The following KALRN variants were observed in gnomAD, a reference collection of about 807,000 sequenced individuals.
The protein encoded by KALRN is kalirin.
A neutral mutation model predicts 353.7 loss-of-function variants in KALRN; 70 were observed. The ratio of observed to expected loss-of-function variants is 0.20; its 90% confidence interval spans 0.16 to 0.24. The LOEUF is 0.24. Ranked by LOEUF, KALRN falls within the 10% of genes least tolerant of loss-of-function variation. KALRN has a pLI of 1.00. For missense variants in KALRN, 2,791 were observed against 3,756.7 expected, an observed-to-expected ratio of 0.74 and a Z score of 6.72; for synonymous variants, 1,391 against 1,434.8, an observed-to-expected ratio of 0.97 and a Z score of 0.69.
At chr3:124,565,625 G>A (rs1028909925) in intron 34 of KALRN, among the ~76,000 whole-genome samples, 8 of 152,220 alleles carry the variant, frequency 5.3e-5, no homozygotes, top group African/African-American at 1.9e-4. Flanking sequence ...AAAGGCTAAC[G>A]TTCCTTGGAT....
At position 124,127,247 on chromosome 3, in the gene KALRN, G is replaced by C. The variant is rs201859805; in HGVS notation, c.73+93434G>C. Among the ~76,000 whole-genome samples, 21 of 152,214 alleles carry C rather than the reference G, an allele frequency of 1.4e-4. No homozygotes were observed. In the East Asian group the frequency reaches 3.5e-3, roughly 25 times the overall value. On this transcript the variant is annotated intron_variant, in intron 1 of 59. Coordinates refer to ENST00000682506, the MANE Select transcript of KALRN (RefSeq NM_001388419.1). Reference sequence around the variant, plus strand: ...GATTTTCCCATTTAAATTTGATTCAGGTTAGGATTACCTACCAGTTTAGGA... The same window carrying C: ...GATTTTCCCATTTAAATTTGATTCACGTTAGGATTACCTACCAGTTTAGGA...
At chr3:124,430,902 C>A in intron 16 of KALRN, 127 bp downstream of exon 16, 1 of 1,170,404 alleles carries the variant, frequency 8.5e-7, no homozygotes, top group Non-Finnish European at 1.2e-6. Flanking sequence ...TAGAATGGTC[C>A]AGGGAGCCTT....
At chr3:124,061,440 C>T (rs1056464928) in intron 1 of KALRN, among the ~76,000 whole-genome samples, 9 of 152,196 alleles carry the variant, frequency 5.9e-5, no homozygotes, top group Non-Finnish European at 1.0e-4. Flanking sequence ...GGTGCCAAAG[C>T]CTACCTCCAT....
chr3:124,272,417 G>A (rs1364491818), intron 5 of KALRN, among the ~76,000 whole-genome samples: 1 of 152,174 alleles, frequency 6.6e-6, no homozygotes, highest in Non-Finnish European at 1.5e-5. Context: ...CTATATTTCA[G>A]TTAGAGGTTA....
intron 55 of KALRN, among the ~76,000 whole-genome samples, 170 bp from the exon 56 acceptor site, chr3:124,699,699 C>A (rs983746597): frequency 6.6e-6 from 1 of 152,238 alleles, no homozygotes; most frequent in African/African-American, 2.4e-5. Context: ...ATTTAGGAAA[C>A]CGAATCCAAA....
Position 124,094,993 on chromosome 3 carries a change from G to A in KALRN, c.73+61180G>A, listed in dbSNP as rs1577993608. The stretch of plus-strand genomic sequence containing the variant: ...AAGAGACATGCAGAAAGACACAGCA[G>A]AGAGGGGAGGGGGGTCAAGAAGAGA... On this transcript the variant is annotated intron_variant, in intron 1 of 59. Transcript: ENST00000682506. 8 of 1,227,264 alleles carry A rather than the reference G, an allele frequency of 6.5e-6. No homozygotes were observed. The East Asian group carries it at 1.9e-4, about 29-fold the overall frequency. 76.0% of individuals were successfully genotyped at this position (1,227,264 alleles called of 1,614,324 possible). A position where few individuals can be genotyped will look rare whatever the true frequency, so the allele number is the denominator to read the frequency against.
At chr3:124,479,800 T>C (rs1054266948) in intron 27 of KALRN, among the ~76,000 whole-genome samples, 20 of 145,038 alleles carry the variant, frequency 1.4e-4, no homozygotes, top group Admixed American at 6.5e-4. Context: ...CTCGGCTCAC[T>C]GCAAGCTCCG....
In KALRN at chr3:124,269,057, C is replaced by T; in HGVS notation, c.771C>T (p.Cys257=). Reference sequence around the variant, plus strand: ...GGGAGGGGCAGCGGCTGCTGCAGTGCATCCGCTGCAGCGACGGCTTCTCAG... The same window carrying T: ...GGGAGGGGCAGCGGCTGCTGCAGTGTATCCGCTGCAGCGACGGCTTCTCAG... ...LDREGQRLLQ[C]IRCSDGFSGR... is the part of the protein sequence containing the mutation. Residue 257 remains cysteine, a synonymous_variant, in exon 5 of 60, where the codon TGC becomes TGT. Coordinates refer to ENST00000682506, the MANE Select transcript of KALRN (RefSeq NM_001388419.1). The T allele has an allele frequency of 6.2e-7, 1 of 1,612,598 alleles. No individual in the cohort carries two copies. Among genetic ancestry groups the T allele is most frequent in the Non-Finnish European group, 8.5e-7 (1 of 1,179,490 alleles).
chr3:124,654,875 G>A (rs1474741745), intron 38 of KALRN, among the ~76,000 whole-genome samples: 1 of 152,216 alleles, frequency 6.6e-6, no homozygotes, highest in African/African-American at 2.4e-5. Flanking sequence ...CCAGATGAAG[G>A]GAGTGGCACA....
intron 3 of KALRN, among the ~76,000 whole-genome samples, chr3:124,254,836 G>A (rs1295876325): frequency 6.6e-6 from 1 of 152,136 alleles, no homozygotes; most frequent in Non-Finnish European, 1.5e-5. Context: ...CCTTACCAAA[G>A]TTCATGATTT....
intron 34 of KALRN, among the ~76,000 whole-genome samples, chr3:124,588,527 C>T (rs1046773100): frequency 6.6e-6 from 1 of 152,130 alleles, no homozygotes; most frequent in Non-Finnish European, 1.5e-5. Flanking sequence ...CAGGTTCAAG[C>T]AATTCTCATG....
At chr3:124,104,661 C>T (rs1559960594) in intron 1 of KALRN, among the ~76,000 whole-genome samples, 1 of 152,154 alleles carries the variant, frequency 6.6e-6, no homozygotes, top group Non-Finnish European at 1.5e-5. Context: ...AGACTAAGTA[C>T]TACTGGGTTC....
chr3:124,493,649 A>G (rs765386168), intron 32 of KALRN, among the ~76,000 whole-genome samples: 2 of 152,240 alleles, frequency 1.3e-5, no homozygotes, highest in Non-Finnish European at 2.9e-5. Flanking sequence ...CTGTACCTGA[A>G]TGGAATAAAT....
At chr3:124,077,810 C>T (rs1363309976) in intron 1 of KALRN, among the ~76,000 whole-genome samples, 3 of 152,214 alleles carry the variant, frequency 2.0e-5, no homozygotes, top group African/African-American at 7.2e-5. Flanking sequence ...CTTAACTTGG[C>T]ATCCCAGGCT....
intron 31 of KALRN, 141 bp downstream of exon 31, chr3:124,491,565 T>C (rs2063162669): frequency 2.0e-6 from 1 of 488,792 alleles, no homozygotes; most frequent in African/African-American, 2.0e-5. Flanking sequence ...CACGTGGGCA[T>C]TGAGAAGCAA....
chr3:124,298,816 A>T lies in KALRN; in HGVS notation c.995A>T (p.Lys332Met). 1 of 1,614,124 alleles carries T rather than the reference A, an allele frequency of 6.2e-7. No individual in the cohort carries two copies. The highest frequency in any genetic ancestry group is 1.1e-5 in the South Asian group (1 of 91,074). Reference sequence around the variant, plus strand: ...ATGTTTGACTGGATAAGCCACAACAAGGAGTTATTCCTCCAGAGCCACACG... The same window carrying T: ...ATGTTTGACTGGATAAGCCACAACATGGAGTTATTCCTCCAGAGCCACACG... ...EKMFDWISHN[K>M]ELFLQSHTEI... Residue 332 changes from lysine to methionine, a missense_variant, in exon 6 of 60, where the codon AAG becomes ATG. Lys to Met is a moderately conservative substitution (Grantham distance 95). Coordinates refer to ENST00000682506, the MANE Select transcript of KALRN (RefSeq NM_001388419.1).
chr3:124,684,233 T>C (rs183697517), intron 51 of KALRN, among the ~76,000 whole-genome samples: 17 of 152,244 alleles, frequency 1.1e-4, no homozygotes, highest in African/African-American at 4.1e-4. Context: ...CTTCTGGTTT[T>C]TCTGCTTGCT....
At chr3:124,393,186 G>A (rs908062570) in intron 11 of KALRN, among the ~76,000 whole-genome samples, 1 of 152,100 alleles carries the variant, frequency 6.6e-6, no homozygotes. Context: ...GACTGGTCTC[G>A]AATTCCTGAC....
chr3:124,161,044 G>A (rs775301104), intron 1 of KALRN, among the ~76,000 whole-genome samples: 17 of 152,176 alleles, frequency 1.1e-4, no homozygotes, highest in Non-Finnish European at 2.1e-4. Context: ...GATGGCTGGT[G>A]GTGATGGTTG....
Sources: gnomAD v4.1 joint callset for allele counts (sites outside exome capture counted in the v4.1 genomes callset) on GRCh38, gnomAD v4.1.1 for gene constraint, MANE v1.5 for transcripts, NCBI Gene and HGNC (gene_info 2026-07-23, HGNC 2026-07-21) for gene names.